The following CHLSN variants were observed in gnomAD, a reference collection of about 807,000 sequenced individuals.
CHLSN encodes protein cholesin.
At chr7:1,034,792 T>TCCTCCCC in the CHLSN span, among the ~76,000 whole-genome samples, 1 of 84,824 alleles carries the variant, frequency 1.2e-5, no homozygotes, top group East Asian at 2.8e-4. Context: ...TCCTCCTCCC[T>TCCTCCCC]CCTCCCACCT....
the CHLSN span, among the ~76,000 whole-genome samples, chr7:1,094,580 T>C: frequency 6.6e-6 from 1 of 152,050 alleles, no homozygotes; most frequent in Non-Finnish European, 1.5e-5. Flanking sequence ...TCCAGGAAAC[T>C]CTCTCCTCCT....
chr7:1,073,177 CCT>C, the CHLSN span, among the ~76,000 whole-genome samples: 1 of 151,880 alleles, frequency 6.6e-6, no homozygotes, highest in Non-Finnish European at 1.5e-5. Context: ...GCTCCTCTGG[CCT>C]CTTTCTCACC....
chr7:1,091,542 C>G, the CHLSN span: 1 of 590,350 alleles, frequency 1.7e-6, no homozygotes. Context: ...ATCTGTTCTT[C>G]CCACTCTCTG....
At chr7:983,184 G>A in the CHLSN span, 2 of 1,459,330 alleles carry the variant, frequency 1.4e-6, no homozygotes, top group South Asian at 1.4e-5. Context: ...GCCCAGGAGG[G>A]GAGTGGAGCC....
chr7:1,017,147 G>A, the CHLSN span, among the ~76,000 whole-genome samples: 3 of 152,376 alleles, frequency 2.0e-5, no homozygotes, highest in Non-Finnish European at 2.9e-5. Context: ...CTCAGGCTGT[G>A]GGCATTGGGC....
At chr7:1,053,363 G>A in the CHLSN span, among the ~76,000 whole-genome samples, 4 of 152,228 alleles carry the variant, frequency 2.6e-5, no homozygotes, top group African/African-American at 4.8e-5. Flanking sequence ...ACAGGACCCC[G>A]GCTAATGTGC....
the CHLSN span, chr7:987,085 G>T: frequency 4.0e-6 from 6 of 1,500,998 alleles, no homozygotes; most frequent in African/African-American, 5.6e-5. Flanking sequence ...CATCCCACGA[G>T]CCCTGCCCCA....
At chr7:1,090,151 C>T in the CHLSN span, among the ~76,000 whole-genome samples, 1 of 152,156 alleles carries the variant, frequency 6.6e-6, no homozygotes, top group Admixed American at 6.6e-5. Flanking sequence ...AACTCAAACC[C>T]ATTTTGAAGT....
chr7:1,058,513 C>T, the CHLSN span: 66 of 778,006 alleles, frequency 8.5e-5, no homozygotes, highest in Non-Finnish European at 1.0e-4. Context: ...CAGGTGCTGG[C>T]GTAGGCGGCC....
At chr7:1,135,145 C>T in the CHLSN span, among the ~76,000 whole-genome samples, 23 of 152,136 alleles carry the variant, frequency 1.5e-4, no homozygotes, top group Non-Finnish European at 3.2e-4. Flanking sequence ...ACCTCTTAAT[C>T]GCCGTGTCCT....
chr7:1,106,495 C>G, the CHLSN span, among the ~76,000 whole-genome samples: 3 of 152,016 alleles, frequency 2.0e-5, no homozygotes, highest in African/African-American at 7.3e-5. Context: ...GGGCCAGACT[C>G]AGGCTGGAGG....
chr7:1,072,676 CTTTTTTTTTT>C, the CHLSN span, among the ~76,000 whole-genome samples: 10 of 110,304 alleles, frequency 9.1e-5, no homozygotes, highest in East Asian at 1.1e-3. Context: ...CTTTTCTTTC[CTTTTTTTTTT>C]TTTTTTTTTT....
At chr7:981,699 T>C in the CHLSN span, among the ~76,000 whole-genome samples, 2 of 149,346 alleles carry the variant, frequency 1.3e-5, no homozygotes, top group Non-Finnish European at 3.0e-5. Flanking sequence ...GGCAACAGAG[T>C]GAGATTCCGT....
the CHLSN span, among the ~76,000 whole-genome samples, chr7:1,117,691 C>T: frequency 1.3e-4 from 20 of 149,088 alleles, no homozygotes; most frequent in African/African-American, 4.3e-4. Flanking sequence ...GACATCACTA[C>T]AGCTCTACGG....
the CHLSN span, chr7:987,680 C>A: frequency 2.4e-6 from 2 of 823,584 alleles, no homozygotes; most frequent in African/African-American, 1.7e-5. Flanking sequence ...CAGCCAGGAG[C>A]AGGAGGGAGG....
chr7:1,028,016 G>A, the CHLSN span, among the ~76,000 whole-genome samples: 1 of 25,628 alleles, frequency 3.9e-5, no homozygotes, highest in South Asian at 2.1e-3. Context: ...CCCCAGGAGA[G>A]TAAGTGGGAG....
At chr7:1,097,090 C>T in the CHLSN span, among the ~76,000 whole-genome samples, 2 of 152,332 alleles carry the variant, frequency 1.3e-5, no homozygotes, top group South Asian at 4.1e-4. This position sits in a 1 kb window ranked among gnomAD's most constrained non-coding sequence, Gnocchi z 4.3. Context: ...GAGGACAAGG[C>T]TTAACCCAGA....
chr7:988,494 C>T, the CHLSN span: 147 of 1,600,842 alleles, frequency 9.2e-5, 2 homozygotes, highest in African/African-American at 4.7e-4. Flanking sequence ...CTCCGCCTGC[C>T]GCCTCTGCAC....
chr7:1,052,916 G>A, the CHLSN span, among the ~76,000 whole-genome samples: 2 of 152,186 alleles, frequency 1.3e-5, no homozygotes, highest in African/African-American at 2.4e-5. This position sits in a 1 kb window ranked among gnomAD's most constrained non-coding sequence, Gnocchi z 4.2. Context: ...TCAGGCTTTC[G>A]TGTAGGAAAA....
Sources: gnomAD v4.1 joint callset for allele counts (sites outside exome capture counted in the v4.1 genomes callset) on GRCh38, gnomAD v4.1.1 for gene constraint, Gnocchi (gnomAD v3.1) non-coding constraint, MANE v1.5 for transcripts, NCBI Gene and HGNC (gene_info 2026-07-23, HGNC 2026-07-21) for gene names.